Variants in PTPN4 observed in about 807,000 individuals in gnomAD.
PTPN4 encodes the protein protein tyrosine phosphatase non-receptor type 4.
PTPN4 carries 49 observed loss-of-function variants against 135.5 expected under a neutral mutation model. The ratio of observed to expected loss-of-function variants is 0.36; its 90% CI spans 0.29 to 0.46. PTPN4 has a LOEUF of 0.46. PTPN4 is among the 20% of genes least tolerant of loss of function. The probability of loss-of-function intolerance (pLI) is 1.00; values close to 1 mark genes in which losing one functional copy is unlikely to be tolerated. For synonymous variants in PTPN4, 333 were observed against 369.9 expected (o/e 0.90, Z 1.14); for missense variants, 860 against 1,101.0 (o/e 0.78, Z 3.10).
intron 9 of PTPN4, among the ~76,000 whole-genome samples, chr2:119,888,614 T>C (rs1334916572): frequency 6.6e-6 from 1 of 152,206 alleles, no homozygotes; most frequent in African/African-American, 2.4e-5. Context: ...TCTGTTCTTG[T>C]GATATATCAT....
chr2:119,910,934 G>A (rs185032439), intron 10 of PTPN4, among the ~76,000 whole-genome samples: 1 of 152,230 alleles, frequency 6.6e-6, no homozygotes, highest in East Asian at 1.9e-4. Context: ...TCACAACGTA[G>A]ATTAAATGTG....
chr2:119,786,713 A>G (rs759735494), intron 1 of PTPN4, among the ~76,000 whole-genome samples: 3 of 152,160 alleles, frequency 2.0e-5, no homozygotes, highest in Non-Finnish European at 4.4e-5. Context: ...CTATCCTCTT[A>G]TTCACTGAGG....
intron 2 of PTPN4, among the ~76,000 whole-genome samples, chr2:119,815,151 C>G (rs1462976949): frequency 6.6e-6 from 1 of 152,032 alleles, no homozygotes; most frequent in Non-Finnish European, 1.5e-5. Flanking sequence ...TTGAAAGATT[C>G]TTGGGCAGTT....
chr2:119,948,738 T>C (rs1024437100), intron 18 of PTPN4, among the ~76,000 whole-genome samples: 2 of 152,176 alleles, frequency 1.3e-5, no homozygotes, highest in Admixed American at 6.5e-5. Context: ...GAGATGGTAA[T>C]GTAACTATAT....
chr2:119,838,042 T>C (rs1410095474), intron 2 of PTPN4, among the ~76,000 whole-genome samples: 1 of 152,216 alleles, frequency 6.6e-6, no homozygotes, highest in Non-Finnish European at 1.5e-5. Context: ...GTAGGAAATA[T>C]GATGGGAAAA....
chr2:119,967,168 G>A (rs1023102880), intron 25 of PTPN4, among the ~76,000 whole-genome samples: 5 of 152,148 alleles, frequency 3.3e-5, no homozygotes, highest in South Asian at 2.1e-4. Flanking sequence ...AAATCAGACC[G>A]GGAGCGGTGG....
Position 119,945,122 on chromosome 2 carries a change from C to T in PTPN4, c.1397C>T (p.Pro466Leu). Residue 466 changes from proline to leucine, a missense_variant, in exon 16 of 27, where the codon CCA becomes CTA. Coordinates refer to ENST00000263708, the MANE Select transcript of PTPN4 (RefSeq NM_002830.4). ...GGAGATGGGAAGCCTCCAGCTTTAC[C>T]ACCCAAACAGTCAAAGAAAAACAGT... ...TPGDGKPPAL[P>L]PKQSKKNSWN... The T allele has an allele frequency of 6.2e-7, 1 of 1,606,832 alleles. No individual in the cohort carries two copies. Among genetic ancestry groups the T allele is most frequent in the Non-Finnish European group, 8.5e-7 (1 of 1,177,370 alleles).
chr2:119,850,280 G>A (rs1360593484), intron 2 of PTPN4, among the ~76,000 whole-genome samples: 1 of 152,192 alleles, frequency 6.6e-6, no homozygotes, highest in Non-Finnish European at 1.5e-5. Context: ...TTACAAGCAG[G>A]GCTCTTGTAG....
chr2:119,795,056 GT>G (rs989841290), intron 1 of PTPN4, among the ~76,000 whole-genome samples: 48 of 152,090 alleles, frequency 3.2e-4, no homozygotes, highest in Non-Finnish European at 4.7e-4. Context: ...TGGTTGTCCT[GT>G]TGTCTCCTCA....
At chr2:119,880,832 A>T (rs1263402734) in intron 5 of PTPN4, among the ~76,000 whole-genome samples, 1 of 152,026 alleles carries the variant, frequency 6.6e-6, no homozygotes, top group Non-Finnish European at 1.5e-5. Flanking sequence ...GGATGTTTGT[A>T]TTCTTTTTTT....
At chr2:119,784,593 TAG>T (rs1691010744) in intron 1 of PTPN4, among the ~76,000 whole-genome samples, 1 of 151,884 alleles carries the variant, frequency 6.6e-6, no homozygotes, top group South Asian at 2.1e-4. Flanking sequence ...TTCGCTGTGT[TAG>T]CCAGGATGGT....
At chr2:119,863,123 A>T (rs1677784321) in intron 3 of PTPN4, among the ~76,000 whole-genome samples, 1 of 152,104 alleles carries the variant, frequency 6.6e-6, no homozygotes, top group Non-Finnish European at 1.5e-5. Flanking sequence ...GAGCTGTACA[A>T]TTATTTGGCA....
At chr2:119,833,867 C>T (rs1677253507) in intron 2 of PTPN4, among the ~76,000 whole-genome samples, 1 of 152,180 alleles carries the variant, frequency 6.6e-6, no homozygotes, top group Non-Finnish European at 1.5e-5. Flanking sequence ...GTCTACCTTT[C>T]ATTCAGAAAT....
intron 2 of PTPN4, among the ~76,000 whole-genome samples, chr2:119,822,085 G>A (rs531680253): frequency 1.3e-4 from 20 of 152,068 alleles, no homozygotes; most frequent in Non-Finnish European, 2.1e-4. Context: ...TAGATTTGAA[G>A]CCACTTCAGT....
At chr2:119,796,736 C>T (rs949310960) in intron 1 of PTPN4, among the ~76,000 whole-genome samples, 12 of 152,088 alleles carry the variant, frequency 7.9e-5, no homozygotes, top group African/African-American at 2.9e-4. Context: ...GGAATATGTT[C>T]AATTTTGTAA....
At chr2:119,766,142 G>C (rs568991344) in intron 1 of PTPN4, among the ~76,000 whole-genome samples, 1 of 152,256 alleles carries the variant, frequency 6.6e-6, no homozygotes, top group African/African-American at 2.4e-5. Context: ...CCTGCCCCAG[G>C]ATGGTTTCTT....
chr2:119,766,301 C>T (rs1690616809), intron 1 of PTPN4, among the ~76,000 whole-genome samples: 1 of 152,180 alleles, frequency 6.6e-6, no homozygotes, highest in South Asian at 2.1e-4. Flanking sequence ...CCCTTGGCAT[C>T]CACTATGGAA....
intron 3 of PTPN4, among the ~76,000 whole-genome samples, chr2:119,864,428 A>G (rs1002136307): frequency 4.3e-4 from 66 of 152,110 alleles, no homozygotes; most frequent in African/African-American, 1.6e-3. Flanking sequence ...CTGAAAGGTG[A>G]CTGTTATACC....
At chr2:119,813,995 A>G (rs565410688) in intron 2 of PTPN4, among the ~76,000 whole-genome samples, 2 of 152,258 alleles carry the variant, frequency 1.3e-5, no homozygotes, top group African/African-American at 4.8e-5. Flanking sequence ...TTATTTACCC[A>G]GGTGTGCCAT....
Sources: allele counts gnomAD v4.1 joint callset (sites outside exome capture counted in the v4.1 genomes callset), GRCh38; gene constraint gnomAD v4.1.1; transcripts MANE v1.5; gene names NCBI Gene and HGNC (gene_info 2026-07-23, HGNC 2026-07-21).